HYCC1: variants seen among roughly 807,000 people sequenced by gnomAD.
HYCC1 encodes the protein hyccin PI4KA lipid kinase complex subunit 1, also known as hyccin.
chr7:22,929,515 A>G, the HYCC1 span, among the ~76,000 whole-genome samples: 2 of 152,192 alleles, frequency 1.3e-5, no homozygotes. Flanking sequence ...AAACAACCGC[A>G]TCAAAAAGTG....
At chr7:22,897,144 C>T in the HYCC1 span, among the ~76,000 whole-genome samples, 454 of 152,202 alleles carry the variant, frequency 3.0e-3, 2 homozygotes, top group African/African-American at 9.9e-3. Flanking sequence ...GGAGAGACAG[C>T]GATTGCAGAC....
At chr7:22,929,490 T>A in the HYCC1 span, among the ~76,000 whole-genome samples, 1 of 151,796 alleles carries the variant, frequency 6.6e-6, no homozygotes, top group Non-Finnish European at 1.5e-5. Flanking sequence ...TCAAACAAAT[T>A]TACAAGAAAA....
the HYCC1 span, among the ~76,000 whole-genome samples, chr7:23,004,235 A>C: frequency 1.3e-5 from 2 of 152,250 alleles, no homozygotes; most frequent in Non-Finnish European, 2.9e-5. Flanking sequence ...AAGTCCTATA[A>C]GATTGTTTAA....
the HYCC1 span, among the ~76,000 whole-genome samples, chr7:22,965,594 T>TAA: frequency 4.0e-3 from 455 of 114,696 alleles, 2 homozygotes; most frequent in African/African-American, 0.012. Flanking sequence ...ACATGGAAAC[T>TAA]AAAAAAAAAA....
chr7:22,943,623 GCTTAAAATGCCAAT>G, the HYCC1 span: 5 of 152,484 alleles, frequency 3.3e-5, no homozygotes, highest in Admixed American at 6.6e-5. Context: ...ACCTCAACTT[GCTTAAAATGCCAAT>G]CTTAAAATGC....
the HYCC1 span, among the ~76,000 whole-genome samples, chr7:23,003,922 TC>T: frequency 6.6e-6 from 1 of 152,284 alleles, no homozygotes; most frequent in Non-Finnish European, 1.5e-5. Context: ...TATTTGATTC[TC>T]CCCAATCAGA....
the HYCC1 span, among the ~76,000 whole-genome samples, chr7:22,961,888 T>C: frequency 6.6e-6 from 1 of 152,160 alleles, no homozygotes; most frequent in Middle Eastern, 3.4e-3. Context: ...TGAGTGTGTG[T>C]GTATGCATAA....
chr7:22,902,653 A>G, the HYCC1 span, among the ~76,000 whole-genome samples: 1 of 152,066 alleles, frequency 6.6e-6, no homozygotes, highest in Non-Finnish European at 1.5e-5. Context: ...TTAAAGTGTC[A>G]AGGAAATTCA....
the HYCC1 span, among the ~76,000 whole-genome samples, chr7:22,933,678 T>C: frequency 1.3e-5 from 2 of 152,342 alleles, no homozygotes; most frequent in East Asian, 3.9e-4. Flanking sequence ...TATGCATAAA[T>C]ATGTATGTTT....
At chr7:22,998,444 C>T in the HYCC1 span, among the ~76,000 whole-genome samples, 1 of 152,080 alleles carries the variant, frequency 6.6e-6, no homozygotes, top group Non-Finnish European at 1.5e-5. Flanking sequence ...ATTAACATAG[C>T]ACATGACTCA....
the HYCC1 span, among the ~76,000 whole-genome samples, chr7:23,002,148 A>ATATATATATATATATATACACAAT: frequency 3.9e-5 from 1 of 25,366 alleles, no homozygotes; most frequent in African/African-American, 2.5e-4. Context: ...ATATATATAT[A>ATATATATATATATATATACACAAT]TATATATATA....
At chr7:22,902,650 G>A in the HYCC1 span, among the ~76,000 whole-genome samples, 82 of 152,032 alleles carry the variant, frequency 5.4e-4, no homozygotes, top group Admixed American at 8.5e-4. Context: ...TTTTTAAAGT[G>A]TCAAGGAAAT....
At chr7:22,980,311 G>A in the HYCC1 span, among the ~76,000 whole-genome samples, 1 of 151,058 alleles carries the variant, frequency 6.6e-6, no homozygotes, top group Non-Finnish European at 1.5e-5. Context: ...TATTTATGGT[G>A]GTTAGGTTTT....
the HYCC1 span, among the ~76,000 whole-genome samples, chr7:22,981,474 T>C: frequency 2.6e-5 from 4 of 152,314 alleles, no homozygotes; most frequent in South Asian, 2.1e-4. Flanking sequence ...AATGTTAAAG[T>C]AGATTACACT....
the HYCC1 span, among the ~76,000 whole-genome samples, chr7:22,915,429 G>A: frequency 2.6e-5 from 4 of 152,218 alleles, no homozygotes; most frequent in South Asian, 4.1e-4. Flanking sequence ...AGGAATGCCT[G>A]CAGCCCAGGA....
the HYCC1 span, among the ~76,000 whole-genome samples, chr7:22,916,431 C>T: frequency 6.6e-6 from 1 of 152,178 alleles, no homozygotes; most frequent in Admixed American, 6.5e-5. Context: ...AAAAGCTGCT[C>T]CCACAATAGC....
the HYCC1 span, among the ~76,000 whole-genome samples, chr7:22,916,163 T>C: frequency 7.9e-5 from 12 of 152,172 alleles, no homozygotes; most frequent in Non-Finnish European, 1.3e-4. Flanking sequence ...AGCATGGCCT[T>C]TTAAAGCCTA....
the HYCC1 span, among the ~76,000 whole-genome samples, chr7:22,949,872 T>C: frequency 3.3e-5 from 5 of 152,194 alleles, no homozygotes; most frequent in African/African-American, 7.2e-5. Flanking sequence ...ACCTAATTAA[T>C]TGATACTTGT....
chr7:22,993,736 A>T, the HYCC1 span, among the ~76,000 whole-genome samples: 2 of 152,142 alleles, frequency 1.3e-5, no homozygotes, highest in East Asian at 3.9e-4. Flanking sequence ...ATGTGTAGCT[A>T]AAATGAAAGA....
Sources: allele counts gnomAD v4.1 joint callset (sites outside exome capture counted in the v4.1 genomes callset), GRCh38; gene constraint gnomAD v4.1.1; transcripts MANE v1.5; gene names NCBI Gene and HGNC (gene_info 2026-07-23, HGNC 2026-07-21).